ATAD2B: variants seen among roughly 807,000 people sequenced by gnomAD.
ATAD2B encodes ATPase family AAA domain containing 2B.
ATAD2B carries 40 observed loss-of-function variants against 167.6 expected under a neutral mutation model. That is an observed-to-expected ratio of 0.24 (90% confidence interval 0.19 to 0.31). The LOEUF (loss-of-function observed/expected upper bound fraction) is 0.31. Ranked by LOEUF, ATAD2B falls within the 10% of genes least tolerant of loss-of-function variation. The probability of loss-of-function intolerance (pLI) is 1.00; values close to 1 mark genes in which losing one functional copy is unlikely to be tolerated. For missense variants in ATAD2B, 1,242 were observed against 1,757.2 expected (o/e 0.71, Z 5.24); for synonymous variants, 579 against 596.5 (o/e 0.97, Z 0.43).
chr2:23,897,067 T>G (rs1183008166), intron 1 of ATAD2B, among the ~76,000 whole-genome samples: 1 of 151,938 alleles, frequency 6.6e-6, no homozygotes, highest in East Asian at 1.9e-4. Flanking sequence ...GAGGTGGAGG[T>G]TGCAGTGAGC....
At chr2:23,753,937 G>C (rs1675655388) in intron 27 of ATAD2B, among the ~76,000 whole-genome samples, 1 of 151,920 alleles carries the variant, frequency 6.6e-6, no homozygotes, top group African/African-American at 2.4e-5. Context: ...CTAGAACCAT[G>C]GATTTCTGTG....
intron 1 of ATAD2B, among the ~76,000 whole-genome samples, chr2:23,909,137 TAA>T (rs571913634): frequency 1.1e-5 from 1 of 87,846 alleles, no homozygotes; most frequent in Non-Finnish European, 2.5e-5. Context: ...ATAATAATAA[TAA>T]AAAAAAAAAA....
chr2:23,720,788 G>A, the ATAD2B span, among the ~76,000 whole-genome samples: 1 of 152,090 alleles, frequency 6.6e-6, no homozygotes, highest in Admixed American at 6.5e-5. Context: ...AGTTTGGAGA[G>A]CTGCCTGGAA....
At chr2:23,734,148 T>A in the ATAD2B span, among the ~76,000 whole-genome samples, 57 of 152,036 alleles carry the variant, frequency 3.7e-4, no homozygotes, top group Middle Eastern at 6.8e-3. Flanking sequence ...TACCCGATAC[T>A]GGGTAACTTA....
intron 18 of ATAD2B, among the ~76,000 whole-genome samples, chr2:23,801,925 A>T (rs184502621): frequency 6.6e-6 from 1 of 152,188 alleles, no homozygotes; most frequent in East Asian, 1.9e-4. Flanking sequence ...CATCCATGAA[A>T]ATCTAGTGTA....
At chr2:23,794,880 T>A (rs1682356809) in intron 19 of ATAD2B, among the ~76,000 whole-genome samples, 1 of 152,154 alleles carries the variant, frequency 6.6e-6, no homozygotes, top group Admixed American at 6.5e-5. Flanking sequence ...TTTTCCCCAG[T>A]ATCCCAATGC....
At chr2:23,719,085 CA>C in the ATAD2B span, among the ~76,000 whole-genome samples, 1 of 152,182 alleles carries the variant, frequency 6.6e-6, no homozygotes, top group Non-Finnish European at 1.5e-5. Context: ...TTCAGCCTAA[CA>C]CAGAGATTGA....
intron 17 of ATAD2B, among the ~76,000 whole-genome samples, chr2:23,815,479 T>C (rs1014298139): frequency 1.3e-5 from 2 of 152,204 alleles, no homozygotes; most frequent in Admixed American, 1.3e-4. Flanking sequence ...ACAGTCCAGC[T>C]ATGTACGGAA....
chr2:23,883,738 T>C (rs1223618675), intron 6 of ATAD2B: 3 of 495,414 alleles, frequency 6.1e-6, no homozygotes, highest in Non-Finnish European at 6.6e-6. Flanking sequence ...TTAAAAAACA[T>C]AGTCTTCTCA....
intron 24 of ATAD2B, 86 bp downstream of exon 24, chr2:23,762,123 G>A: frequency 1.4e-6 from 2 of 1,390,708 alleles, no homozygotes; most frequent in South Asian, 1.5e-5. Flanking sequence ...GAAAAGAGCG[G>A]CACTTTGTTT....
Position 23,765,488 on chromosome 2 carries a change from T to C in ATAD2B, c.3256+18A>G, listed in dbSNP as rs747202603. The C allele has an allele frequency of 1.9e-6, 3 of 1,596,120 alleles. No homozygotes were observed. The highest frequency in any genetic ancestry group is 2.6e-6 in the Non-Finnish European group (3 of 1,169,158). ...GAGCACACTAGGCTTCAGTACCAAG[T>C]TTATTTCTACAACTTACCTCTTTTT... is the stretch of plus-strand genomic sequence containing the variant. On this transcript the variant is annotated intron_variant, in intron 23 of 27. Transcript: ENST00000238789.
chr2:23,731,192 T>C, the ATAD2B span, among the ~76,000 whole-genome samples: 4 of 150,620 alleles, frequency 2.7e-5, no homozygotes, highest in Non-Finnish European at 6.0e-5. Flanking sequence ...CACCTTTGGA[T>C]TGGTAAGGAA....
the ATAD2B span, among the ~76,000 whole-genome samples, chr2:23,688,111 T>G: frequency 6.6e-6 from 1 of 152,092 alleles, no homozygotes; most frequent in East Asian, 1.9e-4. Flanking sequence ...GGAAGCCAGA[T>G]AACGAGACTC....
At chr2:23,849,382 CAT>C (rs1219756397) in intron 13 of ATAD2B, among the ~76,000 whole-genome samples, 1 of 152,108 alleles carries the variant, frequency 6.6e-6, no homozygotes, top group Non-Finnish European at 1.5e-5. Flanking sequence ...GCAACATCAA[CAT>C]AAAGATGCAA....
intron 1 of ATAD2B, among the ~76,000 whole-genome samples, chr2:23,914,404 G>A (rs1702726460): frequency 6.6e-6 from 1 of 151,882 alleles, no homozygotes; most frequent in Non-Finnish European, 1.5e-5. Flanking sequence ...AGCAAAATGG[G>A]CAAAAACAAA....
At chr2:23,688,153 C>T in the ATAD2B span, among the ~76,000 whole-genome samples, 1 of 152,184 alleles carries the variant, frequency 6.6e-6, no homozygotes. Flanking sequence ...GGCACAATGG[C>T]GTCACCCACA....
chr2:23,855,192 C>CAAA (rs869284711), intron 13 of ATAD2B, among the ~76,000 whole-genome samples: 2 of 95,236 alleles, frequency 2.1e-5, no homozygotes, highest in African/African-American at 3.7e-5. Flanking sequence ...GACTCTGTCT[C>CAAA]AAAAAAAAAA....
intron 17 of ATAD2B, among the ~76,000 whole-genome samples, chr2:23,813,625 A>G (rs181705687): frequency 6.6e-6 from 1 of 151,474 alleles, no homozygotes; most frequent in Non-Finnish European, 1.5e-5. Flanking sequence ...GTGCACCTGT[A>G]GTCCCAGCCA....
At chr2:23,804,749 T>A (rs949346889) in intron 18 of ATAD2B, among the ~76,000 whole-genome samples, 2 of 151,836 alleles carry the variant, frequency 1.3e-5, no homozygotes, top group African/African-American at 4.8e-5. Flanking sequence ...TACCTTTACT[T>A]AAATAACATT....
Sources: gnomAD v4.1 joint callset for allele counts (sites outside exome capture counted in the v4.1 genomes callset) on GRCh38, gnomAD v4.1.1 for gene constraint, MANE v1.5 for transcripts, NCBI Gene and HGNC (gene_info 2026-07-23, HGNC 2026-07-21) for gene names.